The following ATP8A2 variants were observed in gnomAD, a reference collection of about 807,000 sequenced individuals.
ATP8A2 encodes the protein phospholipid-transporting ATPase IB.
A neutral mutation model predicts 165.6 loss-of-function variants in ATP8A2; 100 were observed. The observed-to-expected ratio is 0.60, with a 90% CI of 0.51 to 0.71. ATP8A2 has a LOEUF of 0.71. ATP8A2 is among the 30% of genes least tolerant of loss of function. The probability of loss-of-function intolerance (pLI) is 0.00; values close to 1 mark genes in which losing one functional copy is unlikely to be tolerated. For synonymous variants in ATP8A2, 543 were observed against 548.8 expected, an observed-to-expected ratio of 0.99 and a Z score of 0.15; for missense variants, 1,227 against 1,479.5, an observed-to-expected ratio of 0.83 and a Z score of 2.80.
chr13:25,594,502 G>A (rs955476995), intron 24 of ATP8A2, among the ~76,000 whole-genome samples: 2 of 152,044 alleles, frequency 1.3e-5, no homozygotes, highest in Admixed American at 6.6e-5. Flanking sequence ...GCGGTGGTTC[G>A]TGAGATTTTG....
intron 1 of ATP8A2, among the ~76,000 whole-genome samples, chr13:25,374,802 C>CA (rs2032559294): frequency 6.6e-6 from 1 of 152,002 alleles, no homozygotes; most frequent in Non-Finnish European, 1.5e-5. Flanking sequence ...GAAACAGGGG[C>CA]AGAGGGCCTG....
At chr13:25,813,465 TATG>T (rs1199774885) in intron 27 of ATP8A2, among the ~76,000 whole-genome samples, 1 of 121,146 alleles carries the variant, frequency 8.3e-6, no homozygotes, top group East Asian at 2.6e-4. Flanking sequence ...TGTGATATAA[TATG>T]GTGATATGAT....
chr13:25,815,112 A>G (rs942465928), intron 27 of ATP8A2, among the ~76,000 whole-genome samples: 6 of 152,156 alleles, frequency 3.9e-5, no homozygotes, highest in African/African-American at 9.7e-5. Flanking sequence ...AGAAGAAGAC[A>G]TAAGGGGACA....
intron 33 of ATP8A2, among the ~76,000 whole-genome samples, chr13:25,960,448 G>A (rs1340342330): frequency 6.6e-6 from 1 of 152,070 alleles, no homozygotes; most frequent in African/African-American, 2.4e-5. Context: ...CCCTCCCTCT[G>A]TAAGTCTCAC....
chr13:25,656,181 G>A (rs1196194803), intron 24 of ATP8A2, among the ~76,000 whole-genome samples: 2 of 152,278 alleles, frequency 1.3e-5, no homozygotes, highest in South Asian at 2.1e-4. Flanking sequence ...GTTTACACAC[G>A]TAAATGCATG....
At chr13:25,809,638 C>T (rs1364461503) in intron 27 of ATP8A2, among the ~76,000 whole-genome samples, 1 of 152,058 alleles carries the variant, frequency 6.6e-6, no homozygotes, top group Admixed American at 6.6e-5. Context: ...TGTTCTGTTC[C>T]CTTTTGAAAG....
chr13:25,451,271 A>T (rs1162335154), intron 1 of ATP8A2, among the ~76,000 whole-genome samples: 1 of 152,080 alleles, frequency 6.6e-6, no homozygotes, highest in East Asian at 1.9e-4. Context: ...TCTAGTTTCC[A>T]TTACAAATTC....
intron 2 of ATP8A2, among the ~76,000 whole-genome samples, chr13:25,520,817 T>C (rs1167701578): frequency 1.3e-5 from 2 of 152,114 alleles, no homozygotes; most frequent in Non-Finnish European, 2.9e-5. Flanking sequence ...GGTTTCACCA[T>C]GTTAGCCAGG....
At chr13:25,937,642 A>T (rs1326375465) in intron 33 of ATP8A2, among the ~76,000 whole-genome samples, 2 of 150,672 alleles carry the variant, frequency 1.3e-5, no homozygotes, top group African/African-American at 4.9e-5. Context: ...GAGGTCAGGA[A>T]ATCAAGACCA....
At chr13:25,780,606 T>C (rs2044851886) in intron 27 of ATP8A2, among the ~76,000 whole-genome samples, 1 of 152,194 alleles carries the variant, frequency 6.6e-6, no homozygotes. Context: ...TTTATTATAC[T>C]GCAGCAGAGA....
intron 27 of ATP8A2, among the ~76,000 whole-genome samples, chr13:25,809,627 A>G (rs1265066343): frequency 6.6e-6 from 1 of 151,946 alleles, no homozygotes; most frequent in African/African-American, 2.4e-5. Context: ...TTGCTCCCAA[A>G]TGTTCTGTTC....
chr13:25,598,834 C>T (rs917237399), intron 24 of ATP8A2, among the ~76,000 whole-genome samples: 1 of 151,992 alleles, frequency 6.6e-6, no homozygotes, highest in African/African-American at 2.4e-5. Flanking sequence ...TGTCTAGATT[C>T]TGTTGTTTTC....
intron 33 of ATP8A2, chr13:25,880,795 G>A (rs916346680): frequency 3.9e-5 from 16 of 407,844 alleles, no homozygotes; most frequent in African/African-American, 3.1e-4. Flanking sequence ...AACAGAAGCA[G>A]CCAACTTTTC....
chr13:25,474,197 AG>A (rs2035927452), intron 2 of ATP8A2, among the ~76,000 whole-genome samples: 1 of 136,060 alleles, frequency 7.3e-6, no homozygotes, highest in Admixed American at 7.5e-5. Flanking sequence ...TTTGCCTTAA[AG>A]GAAAATTACT....
intron 31 of ATP8A2, 40 bp from the exon 32 acceptor site, chr13:25,860,764 T>A (rs1294957890): frequency 6.8e-7 from 1 of 1,473,668 alleles, no homozygotes; most frequent in South Asian, 1.2e-5. Flanking sequence ...AATAACTCAT[T>A]GAGAATAATG....
chr13:25,867,328 G>A (rs1952535827), intron 33 of ATP8A2, among the ~76,000 whole-genome samples: 2 of 152,066 alleles, frequency 1.3e-5, no homozygotes, highest in East Asian at 1.9e-4. Context: ...TTTGTAGCAG[G>A]CCTAGGTATG....
intron 33 of ATP8A2, among the ~76,000 whole-genome samples, chr13:25,902,072 T>C (rs1198615984): frequency 6.6e-6 from 1 of 152,172 alleles, no homozygotes; most frequent in Non-Finnish European, 1.5e-5. Flanking sequence ...CAAAAAAATT[T>C]TTTGGCAATC....
Position 25,953,338 on chromosome 13 carries a change from CG to C in ATP8A2, c.3184-8230del, listed in dbSNP as rs144347631. Among the ~76,000 whole-genome samples, 4,963 of 151,426 alleles carry C rather than the reference CG, an allele frequency of 0.033. 153 individuals are homozygous for C. The highest frequency in any genetic ancestry group is 0.082 in the African/African-American group (3,364 of 41,238). On this transcript the variant is annotated intron_variant, in intron 33 of 36. Coordinates refer to ENST00000381655, the MANE Select transcript of ATP8A2 (RefSeq NM_016529.6). This position sits in a 1 kb window ranked among gnomAD's most constrained non-coding sequence, Gnocchi z 6.7. ...TAAATTTTCTTCTGTAAAATGGGGA[CG>C]GGGGGGATTAAATAAAATGCTTTAT...
chr13:25,481,178 G>A lies in ATP8A2; in HGVS notation c.221+12057G>A, dbSNP rs542518086. 4.8e-4 allele frequency among the ~76,000 whole-genome samples: 71 copies of A among 147,056 alleles called. 1 individual carries two copies. The highest frequency in any genetic ancestry group is 9.3e-4 in the Non-Finnish European group (63 of 67,480). On this transcript the variant is annotated intron_variant, in intron 2 of 36. Coordinates refer to ENST00000381655, the MANE Select transcript of ATP8A2 (RefSeq NM_016529.6). ...AGGGAGAGGGAGACCGTGGGGAGAGGGAGAGGGAGAGGGACAGGGAGAGGA... is the reference window on the plus strand; with the variant it reads ...AGGGAGAGGGAGACCGTGGGGAGAGAGAGAGGGAGAGGGACAGGGAGAGGA...
Sources: gnomAD v4.1 joint callset for allele counts (sites outside exome capture counted in the v4.1 genomes callset) on GRCh38, gnomAD v4.1.1 for gene constraint, Gnocchi (gnomAD v3.1) non-coding constraint, MANE v1.5 for transcripts, NCBI Gene and HGNC (gene_info 2026-07-23, HGNC 2026-07-21) for gene names.